The following ZNF385D variants were observed in gnomAD, a reference collection of about 807,000 sequenced individuals.
The protein encoded by ZNF385D is zinc finger protein 659.
ZNF385D carries 15 observed loss-of-function variants against 35.8 expected under a neutral mutation model. The ratio of observed to expected loss-of-function variants is 0.42; its 90% CI spans 0.28 to 0.64. ZNF385D has a LOEUF of 0.64. Among genes scored for constraint, ZNF385D ranks in the 30% least tolerant of loss-of-function variants. ZNF385D has a pLI of 0.23. For missense variants in ZNF385D, 474 were observed against 494.6 expected (o/e 0.96, Z 0.39); for synonymous variants, 212 against 186.8 (o/e 1.13, Z -1.10).
At chr3:21,685,447 T>C (rs558055782) in intron 1 of ZNF385D, among the ~76,000 whole-genome samples, 1 of 152,350 alleles carries the variant, frequency 6.6e-6, no homozygotes, top group Admixed American at 6.5e-5. Flanking sequence ...GCATTTGATA[T>C]TCAAATCTCT....
In ZNF385D at chr3:21,973,552, C is replaced by G. The variant is rs530298996; in HGVS notation, c.325+195265G>C. Among the ~76,000 whole-genome samples the G allele has an allele frequency of 2.0e-5, 3 of 151,792 alleles. No individual in the cohort carries two copies. The South Asian group carries it at 6.2e-4, about 32-fold the overall frequency. Reference sequence around the variant, plus strand: ...TTCACCACTGTTATTCAACATAGTACTGGAAGTACTAGCTAGACCAATAGG... The same window carrying G: ...TTCACCACTGTTATTCAACATAGTAGTGGAAGTACTAGCTAGACCAATAGG... On this transcript the variant is annotated intron_variant, in intron 3 of 5. Transcript: ENST00000494108.
At chr3:21,423,685 T>G (rs1435630370) in intron 7 of ZNF385D, among the ~76,000 whole-genome samples, 1 of 152,222 alleles carries the variant, frequency 6.6e-6, no homozygotes, top group Non-Finnish European at 1.5e-5. Context: ...ACTTTGTCTC[T>G]TAAACACATT....
At chr3:22,085,374 T>C (rs898057232) in intron 3 of ZNF385D, among the ~76,000 whole-genome samples, 3 of 151,930 alleles carry the variant, frequency 2.0e-5, no homozygotes, top group African/African-American at 7.3e-5. Flanking sequence ...ATAGATGCAA[T>C]AAAAACTGAT....
chr3:21,631,446 T>C (rs568004034), intron 2 of ZNF385D, among the ~76,000 whole-genome samples: 29 of 152,254 alleles, frequency 1.9e-4, no homozygotes, highest in African/African-American at 7.0e-4. Flanking sequence ...AGTTGATGTA[T>C]TTGGAACCAA....
intron 3 of ZNF385D, among the ~76,000 whole-genome samples, chr3:21,992,292 C>T (rs1472322233): frequency 6.6e-6 from 1 of 151,896 alleles, no homozygotes; most frequent in Non-Finnish European, 1.5e-5. Context: ...TATCTGAAAG[C>T]CTTCACTATT....
chr3:22,117,154 TAACA>T (rs1400278871), intron 3 of ZNF385D, among the ~76,000 whole-genome samples: 2 of 152,022 alleles, frequency 1.3e-5, no homozygotes, highest in Non-Finnish European at 2.9e-5. Flanking sequence ...ATACTTATGT[TAACA>T]AACAGAAAAA....
At chr3:21,787,057 G>C (rs1278981252) in intron 3 of ZNF385D, among the ~76,000 whole-genome samples, 1 of 152,142 alleles carries the variant, frequency 6.6e-6, no homozygotes, top group South Asian at 2.1e-4. Flanking sequence ...TGAGAGCATA[G>C]TAATAAGAGA....
chr3:21,593,131 T>A (rs564206463), intron 2 of ZNF385D, among the ~76,000 whole-genome samples: 273 of 152,252 alleles, frequency 1.8e-3, no homozygotes, highest in African/African-American at 6.1e-3. Flanking sequence ...CTCATCTTTC[T>A]TTTCTGGTCA....
chr3:21,897,357 C>G (rs1036980341), intron 3 of ZNF385D, among the ~76,000 whole-genome samples: 8 of 152,166 alleles, frequency 5.3e-5, no homozygotes, highest in Non-Finnish European at 7.4e-5. Context: ...ACATATACCT[C>G]AAACACAGGA....
At chr3:21,922,566 G>C (rs1253849574) in intron 3 of ZNF385D, among the ~76,000 whole-genome samples, 1 of 152,156 alleles carries the variant, frequency 6.6e-6, no homozygotes, top group Non-Finnish European at 1.5e-5. Flanking sequence ...AAATTGTGTT[G>C]AGAAGGCTAG....
At chr3:21,551,686 A>C (rs978431908) in intron 3 of ZNF385D, among the ~76,000 whole-genome samples, 4 of 152,168 alleles carry the variant, frequency 2.6e-5, no homozygotes, top group African/African-American at 9.7e-5. Context: ...ACAACCCTTC[A>C]GTCTTTAATT....
At chr3:21,782,757 A>G (rs939075830) in intron 3 of ZNF385D, among the ~76,000 whole-genome samples, 5 of 152,132 alleles carry the variant, frequency 3.3e-5, no homozygotes, top group Non-Finnish European at 7.3e-5. Context: ...TGTGTCTGAT[A>G]TGTGTTAGTT....
chr3:21,629,680 C>T (rs2065227975), intron 2 of ZNF385D, among the ~76,000 whole-genome samples: 1 of 152,062 alleles, frequency 6.6e-6, no homozygotes, highest in African/African-American at 2.4e-5. Context: ...GGGAGCCTCC[C>T]CTTTGGGCTA....
intron 1 of ZNF385D, among the ~76,000 whole-genome samples, chr3:21,737,522 G>A (rs968087671): frequency 6.6e-6 from 1 of 151,484 alleles, no homozygotes; most frequent in South Asian, 2.1e-4. Context: ...GTATGTATAC[G>A]AAATATATAC....
At chr3:22,089,031 G>A (rs954329085) in intron 3 of ZNF385D, among the ~76,000 whole-genome samples, 36 of 152,198 alleles carry the variant, frequency 2.4e-4, no homozygotes, top group Non-Finnish European at 1.5e-4. Flanking sequence ...CCTTACCCAG[G>A]AGGTAGGGAT....
At chr3:22,303,246 C>G (rs1703008129) in intron 2 of ZNF385D, among the ~76,000 whole-genome samples, 1 of 152,122 alleles carries the variant, frequency 6.6e-6, no homozygotes, top group Non-Finnish European at 1.5e-5. Flanking sequence ...TTATATGGTA[C>G]TGTCTTACTT....
intron 2 of ZNF385D, among the ~76,000 whole-genome samples, chr3:22,211,941 T>A (rs1697550539): frequency 6.6e-6 from 1 of 152,048 alleles, no homozygotes; most frequent in South Asian, 2.1e-4. Context: ...CTAAGCAATG[T>A]GTTCCATCCA....
At chr3:22,062,769 G>A (rs754251766) in intron 3 of ZNF385D, among the ~76,000 whole-genome samples, 1 of 152,178 alleles carries the variant, frequency 6.6e-6, no homozygotes, top group East Asian at 1.9e-4. Context: ...TCTCCTTGCT[G>A]TATCTCTGGA....
intron 2 of ZNF385D, among the ~76,000 whole-genome samples, chr3:22,306,291 A>G (rs1246847722): frequency 6.6e-6 from 1 of 152,064 alleles, no homozygotes; most frequent in Non-Finnish European, 1.5e-5. Context: ...ACTCTTGTCT[A>G]ATGGATATAA....
Sources: gnomAD v4.1 joint callset for allele counts (sites outside exome capture counted in the v4.1 genomes callset) on GRCh38, gnomAD v4.1.1 for gene constraint, MANE v1.5 for transcripts, NCBI Gene and HGNC (gene_info 2026-07-23, HGNC 2026-07-21) for gene names.